Variants in SSC5D observed in about 807,000 individuals in gnomAD.
The protein encoded by SSC5D is soluble scavenger receptor cysteine-rich domain-containing protein SSC5D.
In SSC5D, 106 loss-of-function variants were observed where a neutral mutation model predicts 104.6. The ratio of observed to expected loss-of-function variants is 1.01; its 90% CI spans 0.87 to 1.19. The LOEUF is 1.19. SSC5D is among the 50% of genes most tolerant of loss of function. The pLI is 0.00. For synonymous variants in SSC5D, 860 were observed against 883.5 expected (o/e 0.97, Z 0.47); for missense variants, 1,993 against 2,153.8 (o/e 0.93, Z 1.48).
chr19:55,492,346 TG>T (rs930971294), intron 6 of SSC5D: 138 of 152,120 alleles, frequency 9.1e-4, no homozygotes, highest in African/African-American at 3.2e-3. Context: ...AAGGCTTGTA[TG>T]GGGTGGGGGT....
Position 55,493,724 on chromosome 19 carries a change from G to A in SSC5D, c.1025G>A (p.Cys342Tyr). 2 of 1,520,048 alleles carry A rather than the reference G, an allele frequency of 1.3e-6. No individual in the cohort carries two copies. Among genetic ancestry groups the A allele is most frequent in the Non-Finnish European group, 1.8e-6 (2 of 1,136,816 alleles). 94.2% of individuals were successfully genotyped at this position (1,520,048 alleles called of 1,614,324 possible). The change falls in exon 7 of 14, where the codon TGC (cysteine) becomes TAC (tyrosine). Residue 342 changes from cysteine to tyrosine, a missense_variant. Cys to Tyr is a radical substitution (Grantham distance 194). This residue lies in a region of SSC5D where 1,101 missense variants were observed against 1,085.0 expected (regional missense o/e 1.01). Coordinates refer to ENST00000389623, the MANE Select transcript of SSC5D (RefSeq NM_001144950.2). ...GACCTGCGAGACGCCGCTGTGGCCTGCCGAGAGCTGGGCTGCGGAGGGGCG... is the reference window on the plus strand; with the variant it reads ...GACCTGCGAGACGCCGCTGTGGCCTACCGAGAGCTGGGCTGCGGAGGGGCG... ...AWDLRDAAVA[C>Y]RELGCGGALA...
intron 13 of SSC5D, among the ~76,000 whole-genome samples, chr19:55,515,229 A>C (rs1412195146): frequency 6.6e-6 from 1 of 151,834 alleles, no homozygotes; most frequent in African/African-American, 2.4e-5. Context: ...CCCCATCTCT[A>C]CTAAAAATAC....
chr19:55,489,867 GC>G lies in SSC5D; in HGVS notation c.362-8del, dbSNP rs774967406. 27 of 1,545,688 alleles carry G rather than the reference GC, an allele frequency of 1.7e-5. No homozygotes were observed. The highest frequency in any genetic ancestry group is 3.6e-5 in the South Asian group (3 of 83,946). On this transcript the variant is annotated splice_polypyrimidine_tract_variant and intron_variant, in intron 3 of 13. Transcript: ENST00000389623. ...TCCTCTCCTCATAGCTTCTGTCCCT[GC>G]CCCCCCGCCGCAGGTCAGCGTGTGG...
Position 55,517,703 on chromosome 19 carries a change from C to T in SSC5D, c.3427C>T (p.Pro1143Ser). 1 of 1,551,306 alleles carries T rather than the reference C, an allele frequency of 6.4e-7. No homozygotes were observed. Among genetic ancestry groups the T allele is most frequent in the Non-Finnish European group, 8.7e-7 (1 of 1,146,896 alleles). The change falls in exon 14 of 14, where the codon CCA (proline) becomes TCA (serine). Residue 1143 changes from proline to serine, a missense_variant. By Grantham distance (74) the Pro-to-Ser change is moderately conservative (BLOSUM62 -1). Around this residue, in one of 6 missense-constraint regions of SSC5D, gnomAD observed 423 missense variants for 409.2 expected, o/e 1.03. Coordinates refer to ENST00000389623, the MANE Select transcript of SSC5D (RefSeq NM_001144950.2). Reference protein sequence around the residue: ...SSTVSEYSRSPDPSPSPHPTT... With the variant: ...SSTVSEYSRSSDPSPSPHPTT... ...TACAGTCTCAGAATATTCTAGATCC[C>T]CAGACCCCTCCCCAAGCCCTCACCC...
At position 55,493,927 on chromosome 19, in the gene SSC5D, G is replaced by T; in HGVS notation, c.1213+15G>T. 1 of 1,525,628 alleles carries T rather than the reference G, an allele frequency of 6.6e-7. No individual in the cohort carries two copies. Among genetic ancestry groups the T allele is most frequent in the African/African-American group, 1.4e-5 (1 of 71,920 alleles). The allele number at this position is 1,525,628 out of a possible 1,614,324, so 94.5% of individuals were successfully genotyped here. A position where few individuals can be genotyped will look rare whatever the true frequency, so the allele number is the denominator to read the frequency against. ...CGTGTGTGACGGTGAGGGGGTTGTG[G>T]TGGAGGACCGGGAGGTGGGCGTGGT... On this transcript the variant is annotated intron_variant, in intron 7 of 13. Coordinates refer to ENST00000389623, the MANE Select transcript of SSC5D (RefSeq NM_001144950.2).
At chr19:55,509,850 C>CAAAAAAAAAAAAAAAAAAAAAAAAGAAAA in intron 12 of SSC5D, among the ~76,000 whole-genome samples, 1 of 76,002 alleles carries the variant, frequency 1.3e-5, no homozygotes, top group Non-Finnish European at 2.7e-5. Flanking sequence ...AACTCTGTCT[C>CAAAAAAAAAAAAAAAAAAAAAAAAGAAAA]AAAAAAAAAA....
chr19:55,500,220 GC>G lies in SSC5D; in HGVS notation c.2116del (p.Arg706GlufsTer11), dbSNP rs1568479441. ...CACCACTGCCACGCTGACCCCTCAG[GC>G]CCCCCGAGAACGGACCACTAAGACC... ...SHTTATLTPQ[A>X]PRERTTKTMA... On this transcript the variant is annotated frameshift_variant, in exon 10 of 14. Coordinates refer to ENST00000389623, the MANE Select transcript of SSC5D (RefSeq NM_001144950.2). LOFTEE classifies it high-confidence loss of function. This position sits in a 1 kb window ranked among gnomAD's most constrained non-coding sequence, Gnocchi z 4.6. The G allele has an allele frequency of 1.9e-6, 3 of 1,550,868 alleles. No homozygotes were observed. Among genetic ancestry groups the G allele is most frequent in the Non-Finnish European group, 2.6e-6 (3 of 1,146,846 alleles).
chr19:55,504,884 A>G (rs940779171), intron 12 of SSC5D, among the ~76,000 whole-genome samples: 7 of 152,194 alleles, frequency 4.6e-5, no homozygotes, highest in African/African-American at 9.6e-5. Flanking sequence ...CTGGGCATGC[A>G]TGACCCCAAC....
chr19:55,495,713 G>C (rs1987308734), intron 8 of SSC5D, among the ~76,000 whole-genome samples: 1 of 152,002 alleles, frequency 6.6e-6, no homozygotes, highest in South Asian at 2.1e-4. Context: ...GCAGGAGGTA[G>C]ACGGAGTGAG....
At chr19:55,495,256 T>C (rs1987295540) in intron 8 of SSC5D, among the ~76,000 whole-genome samples, 1 of 115,226 alleles carries the variant, frequency 8.7e-6, no homozygotes, top group South Asian at 2.9e-4. Flanking sequence ...TTTTTTTTTT[T>C]TTTTGAGAGT....
Position 55,501,176 on chromosome 19 carries a change from A to C in SSC5D, c.2760A>C (p.Pro920=). ...RTTRRPGSSS[P]AIRRLPDTGS... is the part of the protein sequence containing the mutation. ...CCCGGCGCCCGGGTAGCTCCTCCCC[A>C]GCAATAAGGCGCCTGCCGGACACAG... is the stretch of plus-strand genomic sequence containing the variant. The change falls in exon 12 of 14, where the codon CCA becomes CCC. Residue 920 remains proline, a synonymous_variant. Transcript: ENST00000389623. 6.5e-7 allele frequency: 1 copy of C among 1,540,254 alleles called. No homozygotes were observed. The highest frequency in any genetic ancestry group is 8.8e-7 in the Non-Finnish European group (1 of 1,142,312).
intron 13 of SSC5D, among the ~76,000 whole-genome samples, chr19:55,515,727 GTC>G (rs1568485189): frequency 1.5e-5 from 1 of 68,392 alleles, no homozygotes; most frequent in Non-Finnish European, 3.6e-5. Flanking sequence ...GTGAGACTCC[GTC>G]TCAAAAAAAA....
At position 55,503,739 on chromosome 19, in the gene SSC5D, G is replaced by A. The variant is rs969399957; in HGVS notation, c.2785+2538G>A. ...TGGGTTTCTGCCTCTGTCGCCCCGC[G>A]CCCCGTACCTGTGCCCTCCTGAGAG... On this transcript the variant is annotated intron_variant, in intron 12 of 13. Transcript: ENST00000389623. The surrounding 1 kb of genome is among the most constrained non-coding windows in gnomAD (Gnocchi z 4.0). Among the ~76,000 whole-genome samples the A allele has an allele frequency of 6.6e-6, 1 of 152,070 alleles. No individual in the cohort carries two copies. The highest frequency in any genetic ancestry group is 1.5e-5 in the Non-Finnish European group (1 of 68,020).
Position 55,498,818 on chromosome 19 carries a change from A to G in SSC5D, c.1705+621A>G, listed in dbSNP as rs144122166. Among the ~76,000 whole-genome samples the G allele has an allele frequency of 9.9e-3, 1,502 of 152,356 alleles. 16 individuals are homozygous for G. Among genetic ancestry groups the G allele is most frequent in the Middle Eastern group, 0.058 (17 of 294 alleles). ...CCACTGTCAGACTCAATAATTTGCT[A>G]GAAGAACTCTTAGAATCAAAGAATC... On this transcript the variant is annotated intron_variant, in intron 9 of 13. Transcript: ENST00000389623.
chr19:55,518,224 T>C lies in SSC5D; in HGVS notation c.3948T>C (p.Thr1316=), dbSNP rs747072195. 8.9e-5 allele frequency: 113 copies of C among 1,271,740 alleles called. No individual in the cohort carries two copies. The highest frequency in any genetic ancestry group is 5.6e-4 in the Admixed American group (18 of 32,388). 78.8% of individuals were successfully genotyped at this position (1,271,740 alleles called of 1,614,324 possible). A position where few individuals can be genotyped will look rare whatever the true frequency, so the allele number is the denominator to read the frequency against. ...CCACGACCCCTTACCCCACCACTACTCCTGATCCCACCACGACCCCTCACC... is the reference window on the plus strand; with the variant it reads ...CCACGACCCCTTACCCCACCACTACCCCTGATCCCACCACGACCCCTCACC... ...DPTTTPYPTT[T]PDPTTTPHPT... Residue 1316 remains threonine, a synonymous_variant, in exon 14 of 14, where the codon ACT becomes ACC. Coordinates refer to ENST00000389623, the MANE Select transcript of SSC5D (RefSeq NM_001144950.2).
chr19:55,503,346 T>G lies in SSC5D; in HGVS notation c.2785+2145T>G, dbSNP rs1415647248. On this transcript the variant is annotated intron_variant, in intron 12 of 13. Coordinates refer to ENST00000389623, the MANE Select transcript of SSC5D (RefSeq NM_001144950.2). The surrounding 1 kb of genome is among the most constrained non-coding windows in gnomAD (Gnocchi z 4.0). Reference sequence around the variant, plus strand: ...TCGGTTTTGCTATATCACCTCATACTCTCATCGTCTCCATTTCTCACTGCG... The same window carrying G: ...TCGGTTTTGCTATATCACCTCATACGCTCATCGTCTCCATTTCTCACTGCG... Among the ~76,000 whole-genome samples, 1 of 152,140 alleles carries G rather than the reference T, an allele frequency of 6.6e-6. No individual in the cohort carries two copies. Among genetic ancestry groups the G allele is most frequent in the Non-Finnish European group, 1.5e-5 (1 of 68,026 alleles).
In SSC5D at chr19:55,500,176, C is replaced by A; in HGVS notation, c.2066C>A (p.Pro689His). The change falls in exon 10 of 14, where the codon CCC (proline) becomes CAC (histidine). Residue 689 changes from proline to histidine, a missense_variant. Physicochemically the swap from Pro to His is moderately conservative, Grantham distance 77. Coordinates refer to ENST00000389623, the MANE Select transcript of SSC5D (RefSeq NM_001144950.2). The surrounding 1 kb of genome is among the most constrained non-coding windows in gnomAD (Gnocchi z 4.6). ...ACCAGAAGGCCGACCACGGAGGCCC[C>A]CCAGAGATGGACCTCTCACACCACT... ...EFTRRPTTEAPQRWTSHTTAT... is the reference protein window; with the variant it reads ...EFTRRPTTEAHQRWTSHTTAT... 6.4e-7 allele frequency: 1 copy of A among 1,551,446 alleles called. No individual in the cohort carries two copies. Among genetic ancestry groups the A allele is most frequent in the Non-Finnish European group, 8.7e-7 (1 of 1,146,896 alleles).
chr19:55,503,619 C>T lies in SSC5D; in HGVS notation c.2785+2418C>T, dbSNP rs1323745896. ...GTTTCACTCCCCACCTAAGGGGCAG[C>T]GTTTCTGTCCTCCCTCTGTGCCCGT... On this transcript the variant is annotated intron_variant, in intron 12 of 13. Transcript: ENST00000389623. This position sits in a 1 kb window ranked among gnomAD's most constrained non-coding sequence, Gnocchi z 4.0. Among the ~76,000 whole-genome samples, 1 of 152,176 alleles carries T rather than the reference C, an allele frequency of 6.6e-6. No individual in the cohort carries two copies. The highest frequency in any genetic ancestry group is 1.5e-5 in the Non-Finnish European group (1 of 68,022).
At position 55,490,941 on chromosome 19, in the gene SSC5D, A is replaced by T; in HGVS notation, c.756A>T (p.Arg252Ser). The T allele has an allele frequency of 6.5e-7, 1 of 1,545,050 alleles. No homozygotes were observed. The highest frequency in any genetic ancestry group is 8.7e-7 in the Non-Finnish European group (1 of 1,144,026). Residue 252 changes from arginine (R) to serine (S), a missense_variant, in exon 6 of 14, where the codon AGA becomes AGT. Physicochemically the swap from Arg to Ser is moderately radical, Grantham distance 110. Transcript: ENST00000389623. The stretch of plus-strand genomic sequence containing the variant: ...CGCTGGCTGCCCCCGGCGGTGCCAG[A>T]TTCGGGCCTGGTGCAGGGCCCGTGT... ...GGALAAPGGARFGPGAGPVWM... is the reference protein window; with the variant it reads ...GGALAAPGGASFGPGAGPVWM...
Sources: allele counts gnomAD v4.1 joint callset (sites outside exome capture counted in the v4.1 genomes callset), GRCh38; gene constraint gnomAD v4.1.1; regional missense constraint gnomAD v4.1.1; non-coding constraint Gnocchi (gnomAD v3.1); transcripts MANE v1.5; gene names NCBI Gene and HGNC (gene_info 2026-07-23, HGNC 2026-07-21).